The following FBXW2 variants were observed in gnomAD, a reference collection of about 807,000 sequenced individuals.
FBXW2 encodes F-box and WD repeat domain containing 2, also known as F-box/WD repeat-containing protein 2.
A neutral mutation model predicts 46.0 loss-of-function variants in FBXW2; 12 were observed. The observed-to-expected ratio is 0.26, with a 90% CI of 0.17 to 0.42. FBXW2 has a LOEUF of 0.42. Among genes scored for constraint, FBXW2 ranks in the 10% least tolerant of loss-of-function variants. FBXW2 has a pLI of 1.00. For synonymous variants in FBXW2, 203 were observed against 209.6 expected (o/e 0.97, Z 0.27); for missense variants, 360 against 537.0 (o/e 0.67, Z 3.26).
At position 120,789,765 on chromosome 9, in the gene FBXW2, G is replaced by C. The variant is rs572318652; in HGVS notation, c.-20-1487C>G. ...TAATGTAAGGTGAGTAAAATTGTAA[G>C]TGTCCAATATCAAATTTGGCAATAA... On this transcript the variant is annotated intron_variant, in intron 2 of 7. Coordinates refer to ENST00000608872, the MANE Select transcript of FBXW2 (RefSeq NM_012164.4). 1.2e-3 allele frequency among the ~76,000 whole-genome samples: 176 copies of C among 152,316 alleles called. 1 individual carries two copies. Among genetic ancestry groups the C allele is most frequent in the Admixed American group, 3.5e-3 (54 of 15,300 alleles).
In FBXW2 at chr9:120,764,321, C is replaced by G. The variant is rs2044236645; in HGVS notation, c.*238G>C. ...CATCCTCTAACACTGACCAACATAA[C>G]TAAGTACAAATGAAGTCAATGGTGT... On this transcript the variant is annotated 3_prime_UTR_variant, in exon 8 of 8. Coordinates refer to ENST00000608872, the MANE Select transcript of FBXW2 (RefSeq NM_012164.4). The G allele has an allele frequency of 3.9e-6, 2 of 517,848 alleles. No homozygotes were observed. The highest frequency in any genetic ancestry group is 6.9e-6 in the Non-Finnish European group (2 of 290,314). 32.1% of individuals were successfully genotyped at this position (517,848 alleles called of 1,614,324 possible).
At chr9:120,777,415 C>T (rs1471928830) in intron 4 of FBXW2, among the ~76,000 whole-genome samples, 1 of 152,228 alleles carries the variant, frequency 6.6e-6, no homozygotes, top group Non-Finnish European at 1.5e-5. Context: ...GTGCAAGTAA[C>T]TCCAGTCACA....
At chr9:120,792,861 C>T (rs892298786) in intron 2 of FBXW2, 3 of 1,489,824 alleles carry the variant, frequency 2.0e-6, no homozygotes, top group South Asian at 2.4e-5. Context: ...CTTTGCTTTA[C>T]TTCAAGCAGC....
chr9:120,778,205 G>A (rs1442177551), intron 4 of FBXW2, 146 bp downstream of exon 4: 1 of 772,372 alleles, frequency 1.3e-6, no homozygotes, highest in Non-Finnish European at 2.1e-6. Flanking sequence ...AGAGTAACTA[G>A]AATAAAGGGA....
At chr9:120,786,070 T>C (rs13288224) in intron 3 of FBXW2, among the ~76,000 whole-genome samples, 1 of 151,198 alleles carries the variant, frequency 6.6e-6, no homozygotes, top group Non-Finnish European at 1.5e-5. Context: ...CATACTTCTG[T>C]ATCTGGTGAT....
chr9:120,789,726 T>C (rs2044795725), intron 2 of FBXW2, among the ~76,000 whole-genome samples: 1 of 152,214 alleles, frequency 6.6e-6, no homozygotes, highest in South Asian at 2.1e-4. Context: ...CAAGATCTCA[T>C]CTTTCAACTT....
At chr9:120,773,353 T>C (rs1269861106) in intron 5 of FBXW2, among the ~76,000 whole-genome samples, 2 of 152,196 alleles carry the variant, frequency 1.3e-5, no homozygotes, top group African/African-American at 2.4e-5. Context: ...TGATCTGCTT[T>C]CATAACTATG....
chr9:120,773,085 G>A (rs765062184), intron 5 of FBXW2, among the ~76,000 whole-genome samples: 3 of 152,020 alleles, frequency 2.0e-5, no homozygotes, highest in African/African-American at 4.8e-5. Context: ...GACTCGGAAG[G>A]CTGAGGTGGG....
intron 2 of FBXW2, 171 bp downstream of exon 2, chr9:120,792,978 T>A (rs1292760516): frequency 6.5e-7 from 1 of 1,534,020 alleles, no homozygotes; most frequent in African/African-American, 1.4e-5. Context: ...TTCAAACGTT[T>A]GGTAGCCCTG....
intron 3 of FBXW2, among the ~76,000 whole-genome samples, chr9:120,781,185 G>C (rs905447728): frequency 1.3e-5 from 2 of 152,176 alleles, no homozygotes; most frequent in African/African-American, 4.8e-5. Flanking sequence ...GACCTATTGA[G>C]TTGCAATTAC....
chr9:120,787,731 C>T, intron 3 of FBXW2, 38 bp downstream of exon 3: 1 of 1,569,290 alleles, frequency 6.4e-7, no homozygotes, highest in Non-Finnish European at 8.6e-7. Flanking sequence ...CTATGAAATA[C>T]AAAACAAAAC....
chr9:120,788,555 T>C (rs893780612), intron 2 of FBXW2, among the ~76,000 whole-genome samples: 3 of 152,262 alleles, frequency 2.0e-5, no homozygotes, highest in Non-Finnish European at 4.4e-5. Context: ...TCTTGAAGTC[T>C]AGCACGTGCT....
rs928937329 is a variant in FBXW2, at chr9:120,787,834, G to A, written c.425C>T (p.Ser142Leu). ...QLEDHEAFET[S>L]SLIGHSARVY... Reference sequence around the variant, plus strand: ...TCTGGCACTGTGTCCAATTAATGACGAGGTTTCAAAGGCTTCATGGTCCTC... The same window carrying A: ...TCTGGCACTGTGTCCAATTAATGACAAGGTTTCAAAGGCTTCATGGTCCTC... Residue 142 changes from serine (S) to leucine (L), a missense_variant, in exon 3 of 8, where the codon TCG (serine) becomes TTG (leucine). Transcript: ENST00000608872. The A allele has an allele frequency of 2.5e-6, 4 of 1,614,152 alleles. No individual in the cohort carries two copies. Among genetic ancestry groups the A allele is most frequent in the South Asian group, 1.1e-5 (1 of 91,086 alleles).
At chr9:120,790,426 G>A (rs2044812829) in intron 2 of FBXW2, among the ~76,000 whole-genome samples, 1 of 152,268 alleles carries the variant, frequency 6.6e-6, no homozygotes, top group South Asian at 2.1e-4. Flanking sequence ...GGAGCTTGCA[G>A]TGAGCCGAGA....
At chr9:120,781,878 C>G (rs186919770) in intron 3 of FBXW2, among the ~76,000 whole-genome samples, 438 of 151,908 alleles carry the variant, frequency 2.9e-3, no homozygotes, top group Non-Finnish European at 4.9e-3. Context: ...CAAAAATTAG[C>G]CAGGCGTGGT....
At position 120,787,786 on chromosome 9, in the gene FBXW2, T is replaced by A; in HGVS notation, c.473A>T (p.Asp158Val). 1.9e-6 allele frequency: 3 copies of A among 1,613,476 alleles called. No homozygotes were observed. The highest frequency in any genetic ancestry group is 2.5e-6 in the Non-Finnish European group (3 of 1,179,764). Residue 158 changes from aspartate (D) to valine (V), a missense_variant, in exon 3 of 8, where the codon GAT becomes GTT. Physicochemically the swap from Asp to Val is radical, Grantham distance 152. Transcript: ENST00000608872. ...SARVYALYYK[D>V]GLLCTGSDDL... The stretch of plus-strand genomic sequence containing the variant: ...TCTCTTACCTGTACAGAGAAGTCCA[T>A]CTTTGTAGTAAAGTGCATACACTCT...
chr9:120,789,015 C>T (rs770839668), intron 2 of FBXW2, among the ~76,000 whole-genome samples: 18 of 152,146 alleles, frequency 1.2e-4, no homozygotes, highest in African/African-American at 3.9e-4. Flanking sequence ...CTCTTAACCA[C>T]GTGCCCCCGA....
intron 2 of FBXW2, chr9:120,792,859 T>C: frequency 6.7e-7 from 1 of 1,484,696 alleles, no homozygotes; most frequent in Non-Finnish European, 9.0e-7. Flanking sequence ...ATCTTTGCTT[T>C]ACTTCAAGCA....
intron 3 of FBXW2, among the ~76,000 whole-genome samples, chr9:120,784,853 G>A (rs564056669): frequency 6.6e-6 from 1 of 150,974 alleles, no homozygotes; most frequent in East Asian, 2.0e-4. Flanking sequence ...CCCAGGAGGA[G>A]GAGGTTGCAG....
Sources: allele counts gnomAD v4.1 joint callset (sites outside exome capture counted in the v4.1 genomes callset), GRCh38; gene constraint gnomAD v4.1.1; transcripts MANE v1.5; gene names NCBI Gene and HGNC (gene_info 2026-07-23, HGNC 2026-07-21).